The following IHO1 variants were observed in gnomAD, a reference collection of about 807,000 sequenced individuals.
IHO1 encodes interactor of HORMAD1 1.
IHO1 carries 13 observed loss-of-function variants against 31.0 expected under a neutral mutation model. The observed-to-expected ratio is 0.42, with a 90% CI of 0.27 to 0.67. IHO1 has a LOEUF of 0.67. Among genes scored for constraint, IHO1 ranks in the 30% least tolerant of loss-of-function variants. The pLI, the probability that IHO1 is intolerant of heterozygous loss-of-function variation, is 0.24. For missense variants in IHO1, 599 were observed against 687.5 expected, an observed-to-expected ratio of 0.87 and a Z score of 1.44; for synonymous variants, 221 against 248.4, an observed-to-expected ratio of 0.89 and a Z score of 1.04.
At chr3:49,202,495 TTGTGTGTGTGTGTGTGTGTGTGTG>T (rs113425200) in intron 1 of IHO1, among the ~76,000 whole-genome samples, 11 of 129,996 alleles carry the variant, frequency 8.5e-5, no homozygotes, top group East Asian at 2.2e-4. Flanking sequence ...CCGGCTAATT[TTGTGTGTGTGTGTGTGTGTGTGTG>T]TGTGTGTGTG....
At chr3:49,249,445 A>G (rs1007923087) in intron 6 of IHO1, among the ~76,000 whole-genome samples, 5 of 151,932 alleles carry the variant, frequency 3.3e-5, no homozygotes, top group African/African-American at 1.2e-4. Flanking sequence ...TAAATTTTAT[A>G]TTTTTAGTAG....
intron 1 of IHO1, among the ~76,000 whole-genome samples, chr3:49,200,220 T>A (rs2046035131): frequency 6.6e-6 from 1 of 152,050 alleles, no homozygotes; most frequent in African/African-American, 2.4e-5. Flanking sequence ...CACGCCACAC[T>A]TTGGGAGGCT....
At chr3:49,206,727 G>T (rs1575564130) in intron 1 of IHO1, among the ~76,000 whole-genome samples, 1 of 152,064 alleles carries the variant, frequency 6.6e-6, no homozygotes, top group African/African-American at 2.4e-5. Context: ...AGATAGAGTT[G>T]CTCTGGTTCA....
At chr3:49,234,851 CTT>C (rs562847275) in intron 2 of IHO1, among the ~76,000 whole-genome samples, 4 of 145,014 alleles carry the variant, frequency 2.8e-5, no homozygotes, top group Admixed American at 6.9e-5. Flanking sequence ...AGAGTTAATT[CTT>C]TTTTTTTTTT....
intron 2 of IHO1, among the ~76,000 whole-genome samples, chr3:49,219,677 C>T (rs942658541): frequency 6.6e-6 from 1 of 152,180 alleles, no homozygotes; most frequent in Admixed American, 6.5e-5. Context: ...GGGCTCGAAC[C>T]CTGGCCGAAG....
chr3:49,218,646 C>T (rs926923326), intron 2 of IHO1, among the ~76,000 whole-genome samples: 2 of 152,110 alleles, frequency 1.3e-5, no homozygotes, highest in African/African-American at 4.8e-5. Context: ...TCTCAAAGTG[C>T]TGGGATTATA....
intron 2 of IHO1, among the ~76,000 whole-genome samples, chr3:49,218,271 C>T (rs891611783): frequency 1.3e-5 from 2 of 151,884 alleles, no homozygotes; most frequent in Admixed American, 6.6e-5. Context: ...CTCTCTCTCT[C>T]TCTTTCTCTG....
intron 2 of IHO1, among the ~76,000 whole-genome samples, chr3:49,228,154 TG>T (rs2046437855): frequency 6.6e-6 from 1 of 152,132 alleles, no homozygotes; most frequent in Admixed American, 6.5e-5. Context: ...ATAGGATAGA[TG>T]GGTGAGTCTC....
At chr3:49,200,371 A>G (rs2046038071) in intron 1 of IHO1, among the ~76,000 whole-genome samples, 1 of 151,542 alleles carries the variant, frequency 6.6e-6, no homozygotes, top group South Asian at 2.1e-4. Context: ...AGGCTGAGGC[A>G]GGAGAATCAC....
At chr3:49,212,186 A>AT (rs2046228567) in intron 2 of IHO1, among the ~76,000 whole-genome samples, 1 of 132,986 alleles carries the variant, frequency 7.5e-6, no homozygotes, top group Non-Finnish European at 1.6e-5. Context: ...AAAAAAAAGG[A>AT]TTTTCCAGTT....
chr3:49,197,822 C>T (rs1195593571), upstream of IHO1, among the ~76,000 whole-genome samples: 2 of 150,512 alleles, frequency 1.3e-5, no homozygotes, highest in African/African-American at 2.5e-5. Flanking sequence ...TGTGGTGAGC[C>T]GAGATTGTGC....
intron 6 of IHO1, chr3:49,244,963 T>TCC (rs1443420294): frequency 1.7e-6 from 1 of 601,436 alleles, no homozygotes; most frequent in Non-Finnish European, 3.0e-6. Context: ...GAGGCACTAA[T>TCC]CCCCCACCTG....
At chr3:49,211,624 A>C (rs2107686699) in intron 1 of IHO1, 142 bp from the exon 2 acceptor site, 2 of 235,478 alleles carry the variant, frequency 8.5e-6, no homozygotes, top group Non-Finnish European at 8.2e-6. Context: ...ACTCCGTCTC[A>C]AAAAAAAAAA....
Position 49,257,412 on chromosome 3 carries a change from T to C in IHO1, c.*130T>C, listed in dbSNP as rs918726029. On this transcript the variant is annotated 3_prime_UTR_variant, in exon 8 of 8. Coordinates refer to ENST00000452691, the MANE Select transcript of IHO1 (RefSeq NM_001135197.2). ...CAGAGGCCCTGCTGAGGTGGGGCAATGAGCACGAGGGCAGGGAAGGTCCAG... is the reference window on the plus strand; with the variant it reads ...CAGAGGCCCTGCTGAGGTGGGGCAACGAGCACGAGGGCAGGGAAGGTCCAG... 6.8e-6 allele frequency: 6 copies of C among 882,284 alleles called. No homozygotes were observed. In the East Asian group the frequency reaches 1.2e-4, roughly 18 times the overall value. The allele number at this position is 882,284 out of a possible 1,614,324, so 54.7% of individuals were successfully genotyped here.
rs140352359 is a variant in IHO1 at position 49,217,213 on chromosome 3, C to T, written c.56+5377C>T. 3.7e-4 allele frequency among the ~76,000 whole-genome samples: 56 copies of T among 152,080 alleles called. 1 individual carries two copies. The East Asian group carries it at 9.6e-3, about 26-fold the overall frequency. On this transcript the variant is annotated intron_variant, in intron 2 of 7. Transcript: ENST00000452691. ...TGTATATTTATTGTGGCACTGTTAA[C>T]AATAGCAAAGACTTGGAACTAACCC...
intron 6 of IHO1, among the ~76,000 whole-genome samples, chr3:49,247,892 AGG>A: frequency 6.6e-6 from 1 of 152,116 alleles, no homozygotes; most frequent in South Asian, 2.1e-4. Flanking sequence ...TGGGAGGCCA[AGG>A]CAGGTGAATC....
upstream of IHO1, among the ~76,000 whole-genome samples, chr3:49,195,878 G>C (rs2045993708): frequency 6.6e-6 from 1 of 151,110 alleles, no homozygotes; most frequent in Non-Finnish European, 1.5e-5. Context: ...AAGGTGGGCG[G>C]ATCACGAGGT....
chr3:49,201,206 G>T (rs1156320988), intron 1 of IHO1, among the ~76,000 whole-genome samples: 2 of 151,862 alleles, frequency 1.3e-5, no homozygotes, highest in Non-Finnish European at 2.9e-5. Flanking sequence ...TGTTAGCCAG[G>T]ATGGTCTCGA....
chr3:49,205,198 T>G (rs2046119189), intron 1 of IHO1, among the ~76,000 whole-genome samples: 1 of 152,194 alleles, frequency 6.6e-6, no homozygotes, highest in Non-Finnish European at 1.5e-5. Flanking sequence ...CCTCTTCCTT[T>G]TAGATCATAT....
Sources: gnomAD v4.1 joint callset for allele counts (sites outside exome capture counted in the v4.1 genomes callset) on GRCh38, gnomAD v4.1.1 for gene constraint, MANE v1.5 for transcripts, NCBI Gene and HGNC (gene_info 2026-07-23, HGNC 2026-07-21) for gene names.